The following BCL11B variants were observed in gnomAD, a reference collection of about 807,000 sequenced individuals.
BCL11B encodes the protein B-cell lymphoma/leukemia 11B.
In BCL11B, 8 loss-of-function variants were observed where a neutral mutation model predicts 49.9. The observed-to-expected ratio is 0.16, with a 90% CI of 0.09 to 0.29. The LOEUF (loss-of-function observed/expected upper bound fraction) is 0.29. Ranked by LOEUF, BCL11B falls within the 10% of genes least tolerant of loss-of-function variation. The pLI, the probability that BCL11B is intolerant of heterozygous loss-of-function variation, is 1.00. For synonymous variants in BCL11B, 739 were observed against 637.4 expected, an observed-to-expected ratio of 1.16 and a Z score of -2.40; for missense variants, 1,006 against 1,351.0, an observed-to-expected ratio of 0.74 and a Z score of 4.00.
Position 99,257,139 on chromosome 14 carries a change from G to A in BCL11B, c.427+332C>T, listed in dbSNP as rs1029542092. Among the ~76,000 whole-genome samples the A allele has an allele frequency of 6.6e-6, 1 of 152,110 alleles. No homozygotes were observed. Among genetic ancestry groups the A allele is most frequent in the African/African-American group, 2.4e-5 (1 of 41,412 alleles). Reference sequence around the variant, plus strand: ...AAAACTGTCTGGCTTCAAAATCAGGGACTAAGCCAAGATCAGTAGCAAAGA... The same window carrying A: ...AAAACTGTCTGGCTTCAAAATCAGGAACTAAGCCAAGATCAGTAGCAAAGA... On this transcript the variant is annotated intron_variant, in intron 2 of 3. Transcript: ENST00000357195. The surrounding 1 kb of genome is among the most constrained non-coding windows in gnomAD (Gnocchi z 6.2).
rs969383767 is a variant in BCL11B, at chr14:99,272,104, C to T, written c.-886G>A. On this transcript the variant is annotated 5_prime_UTR_variant, in exon 1 of 4. Coordinates refer to ENST00000357195, the MANE Select transcript of BCL11B (RefSeq NM_138576.4). The surrounding 1 kb of genome is among the most constrained non-coding windows in gnomAD (Gnocchi z 6.0). The stretch of plus-strand genomic sequence containing the variant: ...CGGAGGGGCGGCTCGCCCAGTGCGC[C>T]TGGGTCGGTGCGGGCGCAGACTGGG... Among the ~76,000 whole-genome samples the T allele has an allele frequency of 6.6e-6, 1 of 151,988 alleles. No homozygotes were observed. Among genetic ancestry groups the T allele is most frequent in the African/African-American group, 2.4e-5 (1 of 41,400 alleles).
In BCL11B at chr14:99,242,361, G is replaced by A. The variant is rs574662366; in HGVS notation, c.428-10804C>T. Among the ~76,000 whole-genome samples the A allele has an allele frequency of 1.6e-4, 24 of 152,348 alleles. No individual in the cohort carries two copies. In the South Asian group the frequency reaches 4.6e-3, roughly 29 times the overall value. On this transcript the variant is annotated intron_variant, in intron 2 of 3. Coordinates refer to ENST00000357195, the MANE Select transcript of BCL11B (RefSeq NM_138576.4). The surrounding 1 kb of genome is among the most constrained non-coding windows in gnomAD (Gnocchi z 4.4). ...ACAGGCGGAGAGGCCCGTCAGGTTG[G>A]GAGGGTTACGAGTCCAGCCGTGGAG...
chr14:99,226,812 A>G (rs1888175021), intron 3 of BCL11B, among the ~76,000 whole-genome samples: 1 of 152,248 alleles, frequency 6.6e-6, no homozygotes, highest in Admixed American at 6.5e-5. Context: ...CTATTTACTT[A>G]CAGGTATTCT....
Position 99,175,386 on chromosome 14 carries a change from G to A in BCL11B, c.1450C>T (p.Leu484=), listed in dbSNP as rs1426414527. Residue 484 remains leucine, a synonymous_variant, in exon 4 of 4, where the codon CTG becomes TTG. Coordinates refer to ENST00000357195, the MANE Select transcript of BCL11B (RefSeq NM_138576.4). The part of the protein sequence containing the change: ...MKTHMHKAGS[L]AGRSDDGLSA... ...AGCCCGTCGTCGGAGCGGCCGGCCA[G>A]CGAGCCGGCCTTGTGCATGTGCGTC... is the stretch of plus-strand genomic sequence containing the variant. The A allele has an allele frequency of 3.8e-6, 6 of 1,595,174 alleles. No homozygotes were observed. Among genetic ancestry groups the A allele is most frequent in the Non-Finnish European group, 3.4e-6 (4 of 1,174,140 alleles).
intron 3 of BCL11B, among the ~76,000 whole-genome samples, chr14:99,180,455 C>G (rs1033798453): frequency 2.0e-5 from 3 of 152,296 alleles, no homozygotes; most frequent in Admixed American, 1.3e-4. Context: ...CCCAGGACAT[C>G]TTTCTCAAAT....
At chr14:99,266,012 G>A (rs546795971) in intron 1 of BCL11B, among the ~76,000 whole-genome samples, 3 of 152,300 alleles carry the variant, frequency 2.0e-5, no homozygotes, top group African/African-American at 7.2e-5. Context: ...TACATGTTTA[G>A]GGGAGAAATC....
Position 99,205,407 on chromosome 14 carries a change from C to A in BCL11B, c.640+25938G>T, listed in dbSNP as rs1388455168. ...ACAAGTTTGACGGTTTGGGAAAATT[C>A]GCGGACTCTCCCAAAGCCTGCATCT... On this transcript the variant is annotated intron_variant, in intron 3 of 3. Transcript: ENST00000357195. This position sits in a 1 kb window ranked among gnomAD's most constrained non-coding sequence, Gnocchi z 5.0. Among the ~76,000 whole-genome samples the A allele has an allele frequency of 6.6e-6, 1 of 152,152 alleles. No homozygotes were observed. The highest frequency in any genetic ancestry group is 1.9e-4 in the East Asian group (1 of 5,184).
chr14:99,267,998 C>A (rs910447719), intron 1 of BCL11B, among the ~76,000 whole-genome samples: 8 of 151,772 alleles, frequency 5.3e-5, no homozygotes, highest in African/African-American at 1.7e-4. Context: ...CGGGCTCTGG[C>A]CCTTTCCTCT....
At chr14:99,221,863 T>G (rs1268022613) in intron 3 of BCL11B, among the ~76,000 whole-genome samples, 1 of 152,210 alleles carries the variant, frequency 6.6e-6, no homozygotes, top group Non-Finnish European at 1.5e-5. Flanking sequence ...CGCCCATTTC[T>G]GGACCCTAGG....
In BCL11B at chr14:99,175,189, C is replaced by G. The variant is rs774319841; in HGVS notation, c.1647G>C (p.Glu549Asp). The G allele has an allele frequency of 6.4e-7, 1 of 1,570,220 alleles. No individual in the cohort carries two copies. The highest frequency in any genetic ancestry group is 8.6e-7 in the Non-Finnish European group (1 of 1,160,098). ...TGCTGAAGCTCGACTCGGGCCGGCT[C>G]TCGTTCTCCAGTAGCAGCTCCTCCT... ...EEEEELLLENESRPESSFSMD... is the reference protein window; with the variant it reads ...EEEEELLLENDSRPESSFSMD... The change falls in exon 4 of 4, where the codon GAG becomes GAC. Residue 549 changes from glutamate (E) to aspartate (D), a missense_variant. Physicochemically the swap from Glu to Asp is conservative, Grantham distance 45. Transcript: ENST00000357195.
At chr14:99,183,276 C>T (rs929266691) in intron 3 of BCL11B, among the ~76,000 whole-genome samples, 1 of 152,142 alleles carries the variant, frequency 6.6e-6, no homozygotes. Flanking sequence ...ATAAGGGAAG[C>T]CCAGAGAACT....
In BCL11B at chr14:99,175,107, G is replaced by T; in HGVS notation, c.1729C>A (p.Pro577Thr). ...TTGGCCGCGCCGCCCCCCGCGCCCG[G>T]GACCCCGGGCACCCCACCACCGCCG... ...ENGGGGVPGV[P>T]GAGGGAAKAL... The change falls in exon 4 of 4, where the codon CCG becomes ACG. Residue 577 changes from proline (P) to threonine (T), a missense_variant. Pro to Thr is a conservative substitution (Grantham distance 38). Transcript: ENST00000357195. 2 of 1,595,894 alleles carry T rather than the reference G, an allele frequency of 1.3e-6. No individual in the cohort carries two copies. Among genetic ancestry groups the T allele is most frequent in the Non-Finnish European group, 8.5e-7 (1 of 1,174,180 alleles).
intron 3 of BCL11B, among the ~76,000 whole-genome samples, chr14:99,193,457 A>G (rs1226635150): frequency 1.3e-5 from 2 of 152,180 alleles, no homozygotes; most frequent in African/African-American, 4.8e-5. Context: ...CAGAATGTTA[A>G]AAGGAAGTTT....
Position 99,172,845 on chromosome 14 carries a change from G to GA in BCL11B, c.*1305dup, listed in dbSNP as rs113101567. On this transcript the variant is annotated 3_prime_UTR_variant, in exon 4 of 4. Transcript: ENST00000357195. Reference sequence around the variant, plus strand: ...AGTACCTTCCAACCTAATGAGATAGGAAAAAAAAAATAAAAACCTGGGAAG... The same window carrying GA: ...AGTACCTTCCAACCTAATGAGATAGGAAAAAAAAAAATAAAAACCTGGGAAG... 3.1e-3 allele frequency: 664 copies of GA among 213,308 alleles called. 1 individual carries two copies. Among genetic ancestry groups the GA allele is most frequent in the East Asian group, 6.0e-3 (86 of 14,280 alleles). The allele number at this position is 213,308 out of a possible 1,614,324, so 13.2% of individuals were successfully genotyped here. A position where few individuals can be genotyped will look rare whatever the true frequency, so the allele number is the denominator to read the frequency against.
chr14:99,246,270 C>G (rs1888833567), intron 2 of BCL11B, among the ~76,000 whole-genome samples: 1 of 152,234 alleles, frequency 6.6e-6, no homozygotes, highest in South Asian at 2.1e-4. Flanking sequence ...CCTCGCCGCC[C>G]GGCTCAGGCA....
intron 3 of BCL11B, among the ~76,000 whole-genome samples, chr14:99,189,727 A>G (rs1466276271): frequency 6.6e-6 from 1 of 152,196 alleles, no homozygotes; most frequent in Admixed American, 6.5e-5. Flanking sequence ...CAAGGGGCAG[A>G]AGGAGGCCAG....
intron 3 of BCL11B, among the ~76,000 whole-genome samples, chr14:99,186,071 A>C (rs995098955): frequency 3.3e-5 from 5 of 152,220 alleles, no homozygotes; most frequent in South Asian, 4.1e-4. Context: ...GCAAGAGGCC[A>C]ATGACTCCAG....
chr14:99,235,400 T>C (rs1395604108), intron 2 of BCL11B, among the ~76,000 whole-genome samples: 4 of 152,170 alleles, frequency 2.6e-5, no homozygotes, highest in Non-Finnish European at 5.9e-5. Flanking sequence ...CAAGGGAACC[T>C]GACAGTCCCC....
chr14:99,191,920 C>T (rs1290552219), intron 3 of BCL11B, among the ~76,000 whole-genome samples: 2 of 152,150 alleles, frequency 1.3e-5, no homozygotes, highest in Non-Finnish European at 2.9e-5. Flanking sequence ...CACTCTTTCA[C>T]GCAGCATCAA....
Sources: allele counts gnomAD v4.1 joint callset (sites outside exome capture counted in the v4.1 genomes callset), GRCh38; gene constraint gnomAD v4.1.1; non-coding constraint Gnocchi (gnomAD v3.1); transcripts MANE v1.5; gene names NCBI Gene and HGNC (gene_info 2026-07-23, HGNC 2026-07-21).